Variants in RINT1 observed in about 807,000 individuals in gnomAD.
RINT1 encodes the protein RAD50 interactor 1.
RINT1 carries 75 observed loss-of-function variants against 97.7 expected under a neutral mutation model. That is an observed-to-expected ratio of 0.77 (90% confidence interval 0.64 to 0.93). RINT1 has a LOEUF of 0.93. Ranked by LOEUF, RINT1 falls within the 40% of genes least tolerant of loss-of-function variation. RINT1 has a pLI of 0.00. For synonymous variants in RINT1, 303 were observed against 326.3 expected (o/e 0.93, Z 0.77); for missense variants, 892 against 925.2 (o/e 0.96, Z 0.47).
chr7:105,551,903 C>T (rs1431907661), intron 10 of RINT1, among the ~76,000 whole-genome samples, 196 bp downstream of exon 10: 2 of 151,866 alleles, frequency 1.3e-5, no homozygotes, highest in South Asian at 2.1e-4. Flanking sequence ...CCCTCTCTTC[C>T]GAAAAAATAC....
chr7:105,548,483 G>T lies in RINT1; in HGVS notation c.840-71G>T. On this transcript the variant is annotated intron_variant, in intron 6 of 14. Transcript: ENST00000257700. ...CATTTGTTGGAAAAATTTATTGTGT[G>T]TGTATACATACATATGTGTGTGTAT... 3 of 1,399,416 alleles carry T rather than the reference G, an allele frequency of 2.1e-6. No homozygotes were observed. In the South Asian group the frequency reaches 3.5e-5, roughly 16 times the overall value. The allele number at this position is 1,399,416 out of a possible 1,614,324, so 86.7% of individuals were successfully genotyped here.
At chr7:105,541,205 C>T (rs1294542543) in intron 3 of RINT1, among the ~76,000 whole-genome samples, 3 of 151,196 alleles carry the variant, frequency 2.0e-5, no homozygotes, top group Non-Finnish European at 2.9e-5. Context: ...TGCGGTGGTG[C>T]AGTCTCAGCT....
intron 10 of RINT1, among the ~76,000 whole-genome samples, chr7:105,552,666 CTT>C (rs386410906): frequency 4.4e-3 from 350 of 79,988 alleles, no homozygotes; most frequent in African/African-American, 0.015. Flanking sequence ...TAAATAATTC[CTT>C]TTTTTTTTTT....
At chr7:105,561,212 G>A (rs939591617) in intron 11 of RINT1, among the ~76,000 whole-genome samples, 16 of 151,780 alleles carry the variant, frequency 1.1e-4, no homozygotes, top group Non-Finnish European at 1.9e-4. Context: ...TGATAGTGTC[G>A]TTTAAAAAAT....
At chr7:105,552,839 A>G (rs766248473) in intron 10 of RINT1, among the ~76,000 whole-genome samples, 5 of 151,570 alleles carry the variant, frequency 3.3e-5, no homozygotes, top group Admixed American at 2.0e-4. Flanking sequence ...ACGCCCAGCT[A>G]ATTTTTGAAT....
intron 10 of RINT1, among the ~76,000 whole-genome samples, chr7:105,554,498 G>A (rs2133423731): frequency 6.6e-6 from 1 of 150,446 alleles, no homozygotes; most frequent in Non-Finnish European, 1.5e-5. Context: ...GAAAGCAGTG[G>A]TGCCATGTTG....
At chr7:105,556,726 C>G (rs1791198543) in intron 11 of RINT1, among the ~76,000 whole-genome samples, 1 of 151,702 alleles carries the variant, frequency 6.6e-6, no homozygotes, top group South Asian at 2.1e-4. Flanking sequence ...AACCTACTGA[C>G]AGACTTGATA....
chr7:105,541,014 T>C (rs928643867), intron 3 of RINT1, among the ~76,000 whole-genome samples: 3 of 151,828 alleles, frequency 2.0e-5, no homozygotes, highest in East Asian at 1.9e-4. Context: ...TTTTTTTGTA[T>C]TTTTTAGTAG....
Position 105,544,889 on chromosome 7 carries a change from C to G in RINT1, c.516-2021C>G, listed in dbSNP as rs187955347. On this transcript the variant is annotated intron_variant, in intron 4 of 14. Transcript: ENST00000257700. ...TCCCTGAGGTCTTTTATGATAATCT[C>G]TCCATTTCCAGCTTTCCTTTAGAGC... is the stretch of plus-strand genomic sequence containing the variant. Among the ~76,000 whole-genome samples the G allele has an allele frequency of 9.9e-5, 15 of 152,272 alleles. No individual in the cohort carries two copies. In the East Asian group the frequency reaches 2.9e-3, roughly 29 times the overall value.
At chr7:105,556,118 G>GT (rs897208569) in intron 11 of RINT1, among the ~76,000 whole-genome samples, 1 of 151,120 alleles carries the variant, frequency 6.6e-6, no homozygotes, top group African/African-American at 2.4e-5. Flanking sequence ...CCGGGCTGGA[G>GT]TGCAATGGTG....
chr7:105,563,998 A>G, intron 12 of RINT1, 51 bp downstream of exon 12: 1 of 1,343,112 alleles, frequency 7.4e-7, no homozygotes, highest in Non-Finnish European at 1.1e-6. Flanking sequence ...TAAAAGTTAA[A>G]GAATATGTGG....
At chr7:105,532,990 G>A (rs1790093887) in intron 2 of RINT1, 121 bp downstream of exon 2, 1 of 853,470 alleles carries the variant, frequency 1.2e-6, no homozygotes, top group African/African-American at 1.7e-5. Flanking sequence ...TGCACAATAT[G>A]CTTATATGGT....
At position 105,567,332 on chromosome 7, in the gene RINT1, C is replaced by T. The variant is rs13533; in HGVS notation, c.*21C>T. ...AATAATGTCTTTCAGAAAAAGGTTT[C>T]TTTGGTTTTTGTTTCTAAGAAAGAG... On this transcript the variant is annotated 3_prime_UTR_variant, in exon 15 of 15. Coordinates refer to ENST00000257700, the MANE Select transcript of RINT1 (RefSeq NM_021930.6). The T allele has an allele frequency of 6.5e-7, 1 of 1,543,356 alleles. No homozygotes were observed. Among genetic ancestry groups the T allele is most frequent in the Non-Finnish European group, 8.8e-7 (1 of 1,135,502 alleles).
At chr7:105,550,961 G>A (rs1173920390) in intron 9 of RINT1, among the ~76,000 whole-genome samples, 2 of 152,108 alleles carry the variant, frequency 1.3e-5, no homozygotes, top group Non-Finnish European at 2.9e-5. Context: ...CAACATGTTG[G>A]CCAGGCTGGT....
At position 105,542,525 on chromosome 7, in the gene RINT1, A is replaced by AT; in HGVS notation, c.393dup (p.Asn132Ter). 1 of 1,614,206 alleles carries AT rather than the reference A, an allele frequency of 6.2e-7. No individual in the cohort carries two copies. The highest frequency in any genetic ancestry group is 8.5e-7 in the Non-Finnish European group (1 of 1,180,038). ...GCAGGAAACTCATCTCTTCAGCGCCATTAACAGCCATTTGCTGACTGCGCA... is the reference window on the plus strand; with the variant it reads ...GCAGGAAACTCATCTCTTCAGCGCCATTTAACAGCCATTTGCTGACTGCGCA... On this transcript the variant is annotated frameshift_variant, in exon 4 of 15. Coordinates refer to ENST00000257700, the MANE Select transcript of RINT1 (RefSeq NM_021930.6). LOFTEE classifies it high-confidence loss of function.
chr7:105,551,653 A>G lies in RINT1; in HGVS notation c.1417A>G (p.Met473Val). ...QYKDITDVDE[M>V]KVPDCAETFM... The stretch of plus-strand genomic sequence containing the variant: ...TAAGGATATCACTGACGTGGATGAA[A>G]TGAAAGTTCCAGATTGTGCAGAAAC... The change falls in exon 10 of 15, where the codon ATG (methionine) becomes GTG (valine). Residue 473 changes from methionine (M) to valine (V), a missense_variant. By Grantham distance (21) the Met-to-Val change is conservative. Transcript: ENST00000257700. 6.2e-7 allele frequency: 1 copy of G among 1,612,900 alleles called. No individual in the cohort carries two copies. Among genetic ancestry groups the G allele is most frequent in the Non-Finnish European group, 8.5e-7 (1 of 1,179,328 alleles).
At position 105,567,286 on chromosome 7, in the gene RINT1, C is replaced by T. The variant is rs1201370538; in HGVS notation, c.2354C>T (p.Thr785Ile). The change falls in exon 15 of 15, where the codon ACA (threonine) becomes ATA (isoleucine). Residue 785 changes from threonine (T) to isoleucine (I), a missense_variant. Coordinates refer to ENST00000257700, the MANE Select transcript of RINT1 (RefSeq NM_021930.6). ...QDVEILLNLRTNWPNTGK is the reference protein window; with the variant it reads ...QDVEILLNLRINWPNTGK ...GTTGAGATTCTACTTAATTTGAGGA[C>T]AAATTGGCCTAATACTGGAAAATAA... 1 of 1,605,686 alleles carries T rather than the reference C, an allele frequency of 6.2e-7. No individual in the cohort carries two copies.
At chr7:105,548,476 A>G (rs1238199041) in intron 6 of RINT1, 78 bp from the exon 7 acceptor site, 1 of 1,367,818 alleles carries the variant, frequency 7.3e-7, no homozygotes, top group African/African-American at 1.4e-5. Flanking sequence ...GGAAAAATTT[A>G]TTGTGTGTGT....
At chr7:105,560,000 T>C (rs970781248) in intron 11 of RINT1, among the ~76,000 whole-genome samples, 4 of 152,224 alleles carry the variant, frequency 2.6e-5, no homozygotes, top group South Asian at 2.1e-4. Flanking sequence ...GTGACAGATA[T>C]GAAATTCAAA....
Sources: allele counts gnomAD v4.1 joint callset (sites outside exome capture counted in the v4.1 genomes callset), GRCh38; gene constraint gnomAD v4.1.1; transcripts MANE v1.5; gene names NCBI Gene and HGNC (gene_info 2026-07-23, HGNC 2026-07-21).